Variants in RALYL observed in about 807,000 individuals in gnomAD.
The protein encoded by RALYL is RALY RNA binding protein like.
Under a neutral mutation model 35.1 loss-of-function variants are expected in RALYL, and 29 were observed. The ratio of observed to expected loss-of-function variants is 0.83; its 90% CI spans 0.61 to 1.13. The LOEUF is 1.13. RALYL is among the 50% of genes most tolerant of loss of function. RALYL has a pLI of 0.00. For synonymous variants in RALYL, 120 were observed against 127.6 expected (o/e 0.94, Z 0.40); for missense variants, 359 against 360.4 (o/e 1.00, Z 0.03).
intron 4 of RALYL, among the ~76,000 whole-genome samples, chr8:84,816,708 G>T (rs545217975): frequency 8.5e-5 from 13 of 152,084 alleles, no homozygotes; most frequent in Non-Finnish European, 1.8e-4. Flanking sequence ...GCACAACAGG[G>T]TGACTATAGT....
chr8:84,694,387 T>C (rs1476254901), intron 2 of RALYL, among the ~76,000 whole-genome samples: 1 of 151,810 alleles, frequency 6.6e-6, no homozygotes, highest in Non-Finnish European at 1.5e-5. Flanking sequence ...AATATATTCA[T>C]GAGTAAATTT....
intron 8 of RALYL, among the ~76,000 whole-genome samples, chr8:84,906,412 T>G (rs1314071263): frequency 6.6e-6 from 1 of 152,132 alleles, no homozygotes; most frequent in Non-Finnish European, 1.5e-5. Flanking sequence ...AATTTGTACT[T>G]GAACAAGCTA....
chr8:84,711,020 A>G (rs1449931956), intron 2 of RALYL, among the ~76,000 whole-genome samples: 1 of 152,158 alleles, frequency 6.6e-6, no homozygotes, highest in Admixed American at 6.6e-5. Context: ...GAAGTCAGGA[A>G]AAGCCACTTA....
intron 2 of RALYL, among the ~76,000 whole-genome samples, chr8:84,555,099 T>A (rs527684800): frequency 7.2e-4 from 110 of 152,156 alleles, no homozygotes; most frequent in Admixed American, 2.5e-3. Context: ...ACCAACATGG[T>A]GAAACCCCAC....
intron 4 of RALYL, among the ~76,000 whole-genome samples, chr8:84,847,131 C>T (rs73688611): frequency 0.1 from 15,553 of 152,216 alleles, 946 homozygotes; most frequent in Non-Finnish European, 0.13. Flanking sequence ...GTCTTGCTGC[C>T]GCTGCCCCCT....
At chr8:84,203,715 A>T (rs985173224) in intron 1 of RALYL, among the ~76,000 whole-genome samples, 1 of 152,160 alleles carries the variant, frequency 6.6e-6, no homozygotes, top group African/African-American at 2.4e-5. Flanking sequence ...GGTACAGAAC[A>T]CACACTGCAT....
At chr8:84,300,400 G>A (rs990296729) in intron 1 of RALYL, among the ~76,000 whole-genome samples, 1 of 151,722 alleles carries the variant, frequency 6.6e-6, no homozygotes, top group Non-Finnish European at 1.5e-5. Context: ...ACAAATAATA[G>A]GAATGTATAT....
At chr8:84,583,692 A>G (rs1351426655) in intron 2 of RALYL, among the ~76,000 whole-genome samples, 1 of 152,166 alleles carries the variant, frequency 6.6e-6, no homozygotes. Flanking sequence ...AGAGTGAAGG[A>G]GACATCCCTG....
intron 2 of RALYL, among the ~76,000 whole-genome samples, chr8:84,548,749 T>C (rs2060521895): frequency 6.6e-6 from 1 of 152,214 alleles, no homozygotes. Context: ...TCTTTACTGC[T>C]CTTTCTTCCT....
At chr8:84,747,058 A>G (rs1437642954) in intron 2 of RALYL, among the ~76,000 whole-genome samples, 1 of 151,930 alleles carries the variant, frequency 6.6e-6, no homozygotes, top group East Asian at 1.9e-4. Context: ...GAGCATAAAA[A>G]AAGTCTGCAA....
chr8:84,742,363 A>C (rs1807575504), intron 2 of RALYL, among the ~76,000 whole-genome samples: 1 of 152,058 alleles, frequency 6.6e-6, no homozygotes, highest in Admixed American at 6.6e-5. Flanking sequence ...GCTATTAGCA[A>C]ATATTAGACA....
chr8:84,842,184 T>C (rs1833551678), intron 4 of RALYL, among the ~76,000 whole-genome samples: 1 of 151,774 alleles, frequency 6.6e-6, no homozygotes, highest in African/African-American at 2.4e-5. Flanking sequence ...CAGGAGCTGG[T>C]TTTTTGAAAA....
chr8:84,201,853 C>T (rs1267928912), intron 1 of RALYL, among the ~76,000 whole-genome samples: 4 of 152,086 alleles, frequency 2.6e-5, no homozygotes, highest in African/African-American at 9.7e-5. Flanking sequence ...AAGTGTGAAC[C>T]ACTGTTCGCA....
intron 1 of RALYL, among the ~76,000 whole-genome samples, chr8:84,448,290 C>A (rs1256694187): frequency 6.6e-6 from 1 of 151,936 alleles, no homozygotes; most frequent in African/African-American, 2.4e-5. Flanking sequence ...TGAGTCTATG[C>A]ACAAATACAA....
At chr8:84,296,621 G>A (rs1193090200) in intron 1 of RALYL, among the ~76,000 whole-genome samples, 1 of 120,566 alleles carries the variant, frequency 8.3e-6, no homozygotes, top group Non-Finnish European at 1.6e-5. Context: ...TCTCTCTCTT[G>A]CATTTTTTTT....
intron 2 of RALYL, among the ~76,000 whole-genome samples, chr8:84,613,401 C>T (rs1372918850): frequency 6.6e-6 from 1 of 151,504 alleles, no homozygotes; most frequent in Non-Finnish European, 1.5e-5. Flanking sequence ...TGACATTATC[C>T]TGACTCTTAA....
chr8:84,864,901 C>T, intron 6 of RALYL: 1 of 356,384 alleles, frequency 2.8e-6, no homozygotes, highest in South Asian at 4.0e-5. Flanking sequence ...ATGATGCCAG[C>T]CCCCTGTTAT....
intron 1 of RALYL, among the ~76,000 whole-genome samples, chr8:84,256,754 G>A (rs1413086814): frequency 6.6e-6 from 1 of 151,930 alleles, no homozygotes; most frequent in Admixed American, 6.6e-5. Flanking sequence ...GACAACTCTA[G>A]GGAATGGTAC....
chr8:84,906,769 C>G (rs1846577595), intron 8 of RALYL, among the ~76,000 whole-genome samples: 1 of 152,112 alleles, frequency 6.6e-6, no homozygotes, highest in African/African-American at 2.4e-5. Flanking sequence ...GAGGCATCCT[C>G]TAGCTCAGTC....
Sources: gnomAD v4.1 joint callset for allele counts (sites outside exome capture counted in the v4.1 genomes callset) on GRCh38, gnomAD v4.1.1 for gene constraint, MANE v1.5 for transcripts, NCBI Gene and HGNC (gene_info 2026-07-23, HGNC 2026-07-21) for gene names.